ADGRB3: variants seen among roughly 807,000 people sequenced by gnomAD.
The protein encoded by ADGRB3 is adhesion G protein-coupled receptor B3.
Under a neutral mutation model 193.4 loss-of-function variants are expected in ADGRB3, and 37 were observed. That is an observed-to-expected ratio of 0.19 (90% CI 0.15 to 0.25). ADGRB3 has a LOEUF of 0.25. ADGRB3 is among the 10% of genes least tolerant of loss of function. The pLI, the probability that ADGRB3 is intolerant of heterozygous loss-of-function variation, is 1.00. For synonymous variants in ADGRB3, 690 were observed against 644.2 expected (o/e 1.07, Z -1.08); for missense variants, 1,637 against 1,852.9 (o/e 0.88, Z 2.14).
intron 17 of ADGRB3, among the ~76,000 whole-genome samples, chr6:69,076,995 C>T (rs1419762719): frequency 6.6e-6 from 1 of 151,842 alleles, no homozygotes; most frequent in African/African-American, 2.4e-5. Context: ...ATTGAAACCT[C>T]GGACAATTTT....
intron 30 of ADGRB3, among the ~76,000 whole-genome samples, chr6:69,378,971 A>G (rs1225464516): frequency 1.3e-5 from 2 of 152,036 alleles, no homozygotes; most frequent in East Asian, 1.9e-4. Flanking sequence ...TAAAATGTAT[A>G]AAAAGAAAGG....
At chr6:69,091,198 A>G (rs1753313238) in intron 17 of ADGRB3, among the ~76,000 whole-genome samples, 1 of 152,216 alleles carries the variant, frequency 6.6e-6, no homozygotes, top group African/African-American at 2.4e-5. Flanking sequence ...ATGGGAGTGT[A>G]AATTCGTTCA....
At position 68,884,560 on chromosome 6, in the gene ADGRB3, C is replaced by T. The variant is rs149187171; in HGVS notation, c.758-45999C>T. ...AGAAAACCCCTGAGACATGAAATCA[C>T]CCAGAGTTTAGGACATGGTCTGAGA... On this transcript the variant is annotated intron_variant, in intron 3 of 31. Transcript: ENST00000370598. Among the ~76,000 whole-genome samples, 5 of 152,140 alleles carry T rather than the reference C, an allele frequency of 3.3e-5. No homozygotes were observed. In the East Asian group the frequency reaches 7.7e-4, roughly 24 times the overall value.
chr6:68,997,296 T>A (rs1562115414), intron 11 of ADGRB3, among the ~76,000 whole-genome samples: 1 of 151,992 alleles, frequency 6.6e-6, no homozygotes, highest in African/African-American at 2.4e-5. Context: ...TCAAATGAAT[T>A]AAACCATGAA....
chr6:68,878,844 A>T (rs1321602231), intron 3 of ADGRB3, among the ~76,000 whole-genome samples: 1 of 152,220 alleles, frequency 6.6e-6, no homozygotes, highest in Non-Finnish European at 1.5e-5. Flanking sequence ...GAAGGCAAAG[A>T]GGAGCAAGTC....
intron 26 of ADGRB3, among the ~76,000 whole-genome samples, chr6:69,351,694 A>G (rs1355473411): frequency 6.6e-6 from 1 of 152,190 alleles, no homozygotes; most frequent in Non-Finnish European, 1.5e-5. Flanking sequence ...AGTGAAAGGT[A>G]TTGATTTTAT....
chr6:69,066,699 CT>C (rs1437830246), intron 16 of ADGRB3, among the ~76,000 whole-genome samples: 1 of 152,008 alleles, frequency 6.6e-6, no homozygotes, highest in Non-Finnish European at 1.5e-5. Context: ...GGTATATGGT[CT>C]TTAGTGCTTA....
Position 68,662,161 on chromosome 6 carries a change from A to C in ADGRB3, c.757+22729A>C, listed in dbSNP as rs185532209. ...AATGTCCTGTGTAAAAACAAATAGA[A>C]TTTGATATTATAGCTCTGTCACTTA... On this transcript the variant is annotated intron_variant, in intron 3 of 31. Coordinates refer to ENST00000370598, the MANE Select transcript of ADGRB3 (RefSeq NM_001704.3). Among the ~76,000 whole-genome samples, 7 of 151,610 alleles carry C rather than the reference A, an allele frequency of 4.6e-5. 1 individual carries two copies. Among genetic ancestry groups the C allele is most frequent in the Admixed American group, 4.6e-4 (7 of 15,162 alleles).
intron 30 of ADGRB3, among the ~76,000 whole-genome samples, chr6:69,377,052 G>T (rs1184392324): frequency 2.0e-5 from 3 of 151,946 alleles, no homozygotes; most frequent in African/African-American, 7.3e-5. Flanking sequence ...TCCATGTGAG[G>T]GATGCATTGG....
chr6:68,714,794 G>C lies in ADGRB3; in HGVS notation c.757+75362G>C, dbSNP rs76018537. On this transcript the variant is annotated intron_variant, in intron 3 of 31. Transcript: ENST00000370598. ...TATAGTCAATGCTTAAAAATATATA[G>C]ACTTTGGAATTACATCTGGAATTCC... Among the ~76,000 whole-genome samples the C allele has an allele frequency of 9.9e-5, 15 of 151,820 alleles. No individual in the cohort carries two copies. In the East Asian group the frequency reaches 2.9e-3, roughly 30 times the overall value.
intron 3 of ADGRB3, among the ~76,000 whole-genome samples, chr6:68,702,012 C>G (rs1765250164): frequency 6.6e-6 from 1 of 152,074 alleles, no homozygotes; most frequent in East Asian, 1.9e-4. Context: ...GTGTATTAGG[C>G]TGTTCTTGCT....
chr6:69,266,300 G>A (rs1767038528), intron 20 of ADGRB3, among the ~76,000 whole-genome samples: 1 of 152,022 alleles, frequency 6.6e-6, no homozygotes, highest in East Asian at 1.9e-4. Context: ...AAATCTGCAT[G>A]TTTTAGCATG....
chr6:68,957,818 T>G (rs1471666617), intron 8 of ADGRB3, among the ~76,000 whole-genome samples: 1 of 152,168 alleles, frequency 6.6e-6, no homozygotes, highest in Non-Finnish European at 1.5e-5. Context: ...TTATAAAGAC[T>G]TCTCACAGTA....
intron 17 of ADGRB3, among the ~76,000 whole-genome samples, chr6:69,211,363 T>C (rs1765663733): frequency 6.6e-6 from 1 of 152,136 alleles, no homozygotes. Context: ...GTGGGCCATC[T>C]TTCTTCAGAT....
intron 3 of ADGRB3, among the ~76,000 whole-genome samples, chr6:68,690,668 C>A (rs1765057174): frequency 6.6e-6 from 1 of 152,038 alleles, no homozygotes; most frequent in Non-Finnish European, 1.5e-5. Flanking sequence ...TGCTTAACCT[C>A]TAAGCCTAGC....
At chr6:69,024,919 C>T (rs562122189) in intron 13 of ADGRB3, among the ~76,000 whole-genome samples, 19 of 151,854 alleles carry the variant, frequency 1.3e-4, no homozygotes, top group South Asian at 6.2e-4. Flanking sequence ...GGCGAAACAC[C>T]GTCTCTACTA....
chr6:69,304,023 C>A (rs4288170), intron 20 of ADGRB3, among the ~76,000 whole-genome samples: 54,040 of 151,556 alleles, frequency 0.36, 10,005 homozygotes, highest in Middle Eastern at 0.42. Flanking sequence ...TTGCTTTCAT[C>A]ATTTCTTTCT....
At chr6:69,081,088 T>A (rs1435793695) in intron 17 of ADGRB3, among the ~76,000 whole-genome samples, 1 of 152,052 alleles carries the variant, frequency 6.6e-6, no homozygotes, top group African/African-American at 2.4e-5. Flanking sequence ...GTAGGTATAT[T>A]CGTAGTCAGT....
intron 3 of ADGRB3, among the ~76,000 whole-genome samples, chr6:68,705,454 T>A (rs1562000340): frequency 6.6e-6 from 1 of 152,174 alleles, no homozygotes; most frequent in East Asian, 1.9e-4. Flanking sequence ...CATTTCAGGA[T>A]CTCCTCCTTT....
Sources: allele counts gnomAD v4.1 joint callset (sites outside exome capture counted in the v4.1 genomes callset), GRCh38; gene constraint gnomAD v4.1.1; transcripts MANE v1.5; gene names NCBI Gene and HGNC (gene_info 2026-07-23, HGNC 2026-07-21).